Variants in ECT2L observed in about 807,000 individuals in gnomAD.
ECT2L encodes the protein epithelial cell-transforming sequence 2 oncogene-like.
ECT2L carries 126 observed loss-of-function variants against 122.8 expected under a neutral mutation model. The observed-to-expected ratio is 1.03, with a 90% confidence interval of 0.89 to 1.19. The LOEUF is 1.19. Among genes scored for constraint, ECT2L ranks in the 50% most tolerant of loss-of-function variants. The pLI is 0.00. For synonymous variants in ECT2L, 385 were observed against 381.8 expected (o/e 1.01, Z -0.10); for missense variants, 1,012 against 1,064.1 (o/e 0.95, Z 0.68).
intron 21 of ECT2L, among the ~76,000 whole-genome samples, chr6:138,902,141 T>G (rs1779417016): frequency 6.6e-6 from 1 of 152,240 alleles, no homozygotes; most frequent in Non-Finnish European, 1.5e-5. Context: ...CTGGCTCTCA[T>G]ACTGAGGTCG....
At chr6:138,881,805 A>G (rs1437568944) in intron 15 of ECT2L, among the ~76,000 whole-genome samples, 2 of 152,146 alleles carry the variant, frequency 1.3e-5, no homozygotes, top group Non-Finnish European at 2.9e-5. Context: ...TGCAAGCAAC[A>G]GGGAGCGGTT....
At chr6:138,834,385 T>C (rs1309286746) in intron 4 of ECT2L, among the ~76,000 whole-genome samples, 1 of 152,192 alleles carries the variant, frequency 6.6e-6, no homozygotes, top group African/African-American at 2.4e-5. Flanking sequence ...TTAAGATTCA[T>C]TATACTCAAA....
intron 1 of ECT2L, among the ~76,000 whole-genome samples, chr6:138,798,761 CTTTTATA>C (rs1335245984): frequency 6.6e-6 from 1 of 152,132 alleles, no homozygotes; most frequent in Admixed American, 6.5e-5. Context: ...GGACTCTGTA[CTTTTATA>C]TTTGAATGCT....
At chr6:138,806,659 C>T (rs914902517) in intron 1 of ECT2L, among the ~76,000 whole-genome samples, 14 of 151,874 alleles carry the variant, frequency 9.2e-5, no homozygotes, top group African/African-American at 2.9e-4. Context: ...ATTACAGGTG[C>T]CCACCACCAC....
At chr6:138,799,412 C>T (rs1460975303) in intron 1 of ECT2L, among the ~76,000 whole-genome samples, 1 of 152,070 alleles carries the variant, frequency 6.6e-6, no homozygotes, top group East Asian at 1.9e-4. Context: ...CGCCACCACG[C>T]CCGGCTTATT....
At chr6:138,806,552 C>T (rs1775719319) in intron 1 of ECT2L, among the ~76,000 whole-genome samples, 1 of 132,464 alleles carries the variant, frequency 7.5e-6, no homozygotes, top group African/African-American at 2.9e-5. Flanking sequence ...ACGCTCTGTC[C>T]CCCAGGCTGG....
chr6:138,799,738 A>T (rs1287254144), intron 1 of ECT2L, among the ~76,000 whole-genome samples: 2 of 152,122 alleles, frequency 1.3e-5, no homozygotes, highest in Non-Finnish European at 2.9e-5. Flanking sequence ...TTTTGTACAG[A>T]TGGGGCTTTG....
intron 19 of ECT2L, among the ~76,000 whole-genome samples, chr6:138,888,147 G>A (rs935005470): frequency 7.2e-5 from 11 of 151,994 alleles, no homozygotes; most frequent in Non-Finnish European, 1.6e-4. Flanking sequence ...CATTTTGTAG[G>A]GAAAGATAAT....
intron 8 of ECT2L, 80 bp from the exon 9 acceptor site, chr6:138,849,189 G>C: frequency 7.6e-7 from 1 of 1,310,150 alleles, no homozygotes; most frequent in Non-Finnish European, 1.0e-6. Context: ...GGCGTATTTT[G>C]TATCCGTTCT....
At chr6:138,895,916 T>C (rs1047637084) in intron 20 of ECT2L, among the ~76,000 whole-genome samples, 4 of 152,062 alleles carry the variant, frequency 2.6e-5, no homozygotes, top group Non-Finnish European at 4.4e-5. Context: ...CTAAATGAAA[T>C]TTAAAATAGA....
intron 4 of ECT2L, 87 bp from the exon 5 acceptor site, chr6:138,838,265 G>A: frequency 8.4e-7 from 1 of 1,189,854 alleles, no homozygotes; most frequent in Non-Finnish European, 1.2e-6. Flanking sequence ...TAGAACATTG[G>A]AGGAAGATCA....
intron 10 of ECT2L, among the ~76,000 whole-genome samples, chr6:138,855,016 T>G (rs1402186314): frequency 6.6e-6 from 1 of 152,148 alleles, no homozygotes; most frequent in Admixed American, 6.5e-5. Flanking sequence ...TGGGTAACTG[T>G]GAGTTTTAAA....
In ECT2L at chr6:138,882,758, G is replaced by GT. The variant is rs781714077; in HGVS notation, c.1915_1916insT (p.Glu639ValfsTer37). 37 of 1,614,070 alleles carry GT rather than the reference G, an allele frequency of 2.3e-5. No homozygotes were observed. Among genetic ancestry groups the GT allele is most frequent in the Non-Finnish European group, 3.0e-5 (35 of 1,180,028 alleles). Reference sequence around the variant, plus strand: ...AGATAACCTGAGAGACAGACTGCAGGAATGGGGCCCAGCTCACTGTGTGGG... The same window carrying GT: ...AGATAACCTGAGAGACAGACTGCAGGTAATGGGGCCCAGCTCACTGTGTGGG... On this transcript the variant is annotated frameshift_variant, in exon 16 of 22. Transcript: ENST00000541398. LOFTEE classifies it high-confidence loss of function.
chr6:138,817,347 G>C (rs1238426465), intron 4 of ECT2L, among the ~76,000 whole-genome samples: 2 of 152,126 alleles, frequency 1.3e-5, no homozygotes, highest in Non-Finnish European at 2.9e-5. Context: ...TAATTATTAA[G>C]CATTTCTTTT....
At chr6:138,823,414 C>T (rs937913498) in intron 4 of ECT2L, 74 of 1,608,832 alleles carry the variant, frequency 4.6e-5, no homozygotes, top group East Asian at 2.7e-4. Context: ...TACTTTATCA[C>T]GGCAAGGACA....
intron 4 of ECT2L, among the ~76,000 whole-genome samples, chr6:138,827,942 A>ATT (rs34074477): frequency 5.3e-4 from 80 of 150,316 alleles, no homozygotes; most frequent in African/African-American, 1.6e-3. Flanking sequence ...ATAAAGGACT[A>ATT]TTTTTTTTTT....
intron 10 of ECT2L, among the ~76,000 whole-genome samples, chr6:138,859,252 T>C (rs1777735234): frequency 2.6e-5 from 4 of 152,226 alleles, no homozygotes; most frequent in Admixed American, 2.6e-4. Flanking sequence ...TCCTTTTTAC[T>C]ACTGGGAATT....
At chr6:138,901,293 G>A (rs1275378350) in intron 21 of ECT2L, among the ~76,000 whole-genome samples, 173 bp downstream of exon 21, 6 of 152,162 alleles carry the variant, frequency 3.9e-5, no homozygotes, top group Non-Finnish European at 8.8e-5. Context: ...CTTTTGAAAT[G>A]GTTAAAGACA....
intron 4 of ECT2L, among the ~76,000 whole-genome samples, chr6:138,821,885 G>C (rs1776280030): frequency 6.6e-6 from 1 of 152,262 alleles, no homozygotes; most frequent in African/African-American, 2.4e-5. Flanking sequence ...AGGCTCCACT[G>C]CTGGGTTTGA....
Sources: allele counts gnomAD v4.1 joint callset (sites outside exome capture counted in the v4.1 genomes callset), GRCh38; gene constraint gnomAD v4.1.1; transcripts MANE v1.5; gene names NCBI Gene and HGNC (gene_info 2026-07-23, HGNC 2026-07-21).